Variants in VPS13B observed in about 807,000 individuals in gnomAD.
VPS13B encodes the protein vacuolar protein sorting 13 homolog B.
A neutral mutation model predicts 426.4 loss-of-function variants in VPS13B; 285 were observed. The ratio of observed to expected loss-of-function variants is 0.67; its 90% confidence interval spans 0.61 to 0.74. The LOEUF is 0.74. VPS13B is among the 30% of genes least tolerant of loss of function. VPS13B has a pLI of 0.00. For synonymous variants in VPS13B, 1,676 were observed against 1,676.4 expected, an observed-to-expected ratio of 1.00 and a Z score of 0.01; for missense variants, 4,537 against 4,782.6, an observed-to-expected ratio of 0.95 and a Z score of 1.51.
intron 39 of VPS13B, among the ~76,000 whole-genome samples, chr8:99,722,209 G>C (rs1180038504): frequency 3.3e-5 from 5 of 152,160 alleles, no homozygotes; most frequent in Admixed American, 2.0e-4. Flanking sequence ...TCAGGTACCA[G>C]CTCAAATGTC....
intron 25 of VPS13B, among the ~76,000 whole-genome samples, chr8:99,486,457 C>G (rs180837778): frequency 9.2e-5 from 14 of 152,242 alleles, no homozygotes; most frequent in South Asian, 2.1e-4. Flanking sequence ...AACTCCTGAC[C>G]TCAGGTGTTC....
At chr8:99,843,615 C>T (rs6981691) in intron 54 of VPS13B, among the ~76,000 whole-genome samples, 5,406 of 152,258 alleles carry the variant, frequency 0.036, 305 homozygotes, top group African/African-American at 0.12. Context: ...GAGAGACATA[C>T]GGCAGTCTCT....
intron 5 of VPS13B, among the ~76,000 whole-genome samples, chr8:99,106,868 A>T (rs1224000419): frequency 6.6e-6 from 1 of 152,190 alleles, no homozygotes; most frequent in Non-Finnish European, 1.5e-5. Flanking sequence ...TATATGTGGG[A>T]TGGCGAGTTT....
At chr8:99,302,736 T>G (rs1212933559) in intron 19 of VPS13B, among the ~76,000 whole-genome samples, 1 of 152,134 alleles carries the variant, frequency 6.6e-6, no homozygotes, top group Admixed American at 6.5e-5. Context: ...CTTGAACTCC[T>G]GACCTCAGGT....
At chr8:99,511,048 T>C (rs1821764393) in intron 28 of VPS13B, 56 bp from the exon 29 acceptor site, 1 of 1,595,070 alleles carries the variant, frequency 6.3e-7, no homozygotes, top group African/African-American at 1.3e-5. Flanking sequence ...CTTTCCAATT[T>C]TTAAAAAAAA....
In VPS13B at chr8:99,501,571, G is replaced by A. The variant is rs1434194380; in HGVS notation, c.3871-116G>A. On this transcript the variant is annotated intron_variant, in intron 25 of 61. Coordinates refer to ENST00000357162, the MANE Select transcript of VPS13B (RefSeq NM_152564.5). ...ATTAACATTTATATGATTATCATTTGCATGTAAGATGTGAAAAAGTTACAA... is the reference window on the plus strand; with the variant it reads ...ATTAACATTTATATGATTATCATTTACATGTAAGATGTGAAAAAGTTACAA... 1.0e-5 allele frequency: 10 copies of A among 975,866 alleles called. No individual in the cohort carries two copies. The East Asian group carries it at 2.6e-4, about 26-fold the overall frequency. The allele number at this position is 975,866 out of a possible 1,614,324, so 60.5% of individuals were successfully genotyped here.
chr8:99,559,387 C>T (rs935010804), intron 31 of VPS13B, among the ~76,000 whole-genome samples: 28 of 152,154 alleles, frequency 1.8e-4, no homozygotes, highest in Non-Finnish European at 4.1e-4. Flanking sequence ...GTTTCTTTTG[C>T]TGTGCAGAAG....
rs542230543 is a variant in VPS13B, at chr8:99,432,484, G to A, written c.3210+820G>A. Among the ~76,000 whole-genome samples the A allele has an allele frequency of 9.9e-5, 15 of 152,176 alleles. No homozygotes were observed. In the East Asian group the frequency reaches 2.5e-3, roughly 25 times the overall value. The stretch of plus-strand genomic sequence containing the variant: ...ATTGACATTACCATAACAGCAGGGT[G>A]CTAAAATCCAAAAAAGTGACAAGCA... On this transcript the variant is annotated intron_variant, in intron 22 of 61. Transcript: ENST00000357162.
intron 23 of VPS13B, among the ~76,000 whole-genome samples, chr8:99,447,357 C>T (rs1023803854): frequency 5.3e-5 from 8 of 152,094 alleles, no homozygotes; most frequent in Non-Finnish European, 1.0e-4. Flanking sequence ...TTTCTGGCAG[C>T]GTTTGTGAGA....
chr8:99,090,747 G>T (rs1846098004), intron 3 of VPS13B, among the ~76,000 whole-genome samples: 1 of 151,918 alleles, frequency 6.6e-6, no homozygotes, highest in African/African-American at 2.4e-5. Flanking sequence ...TTATATACAA[G>T]AAAACAAAGT....
At chr8:99,845,265 C>T (rs1815924239) in intron 54 of VPS13B, among the ~76,000 whole-genome samples, 3 of 152,032 alleles carry the variant, frequency 2.0e-5, no homozygotes, top group East Asian at 3.8e-4. Context: ...AGTGTGTGTC[C>T]TCAGGGGGTT....
intron 24 of VPS13B, 137 bp from the exon 25 acceptor site, chr8:99,481,462 A>T (rs1295495631): frequency 8.6e-6 from 8 of 927,426 alleles, no homozygotes; most frequent in Non-Finnish European, 1.4e-5. Flanking sequence ...AGTTAAAGTG[A>T]TCAGTGATGC....
chr8:99,496,081 C>T (rs983886390), intron 25 of VPS13B, among the ~76,000 whole-genome samples: 6 of 152,072 alleles, frequency 3.9e-5, no homozygotes, highest in Non-Finnish European at 8.8e-5. Context: ...GTTGGATTAC[C>T]GTTACTCACA....
chr8:99,030,613 G>A (rs1400710651), intron 2 of VPS13B, among the ~76,000 whole-genome samples: 2 of 151,972 alleles, frequency 1.3e-5, no homozygotes, highest in African/African-American at 4.8e-5. Context: ...GAATGATCAC[G>A]TTACTATAAA....
At chr8:99,574,454 T>C (rs1337727846) in intron 31 of VPS13B, among the ~76,000 whole-genome samples, 2 of 152,200 alleles carry the variant, frequency 1.3e-5, no homozygotes, top group Admixed American at 6.5e-5. Flanking sequence ...AAATAGCCCT[T>C]ATTATTTTGA....
At chr8:99,607,288 G>C (rs1029709449) in intron 33 of VPS13B, among the ~76,000 whole-genome samples, 1 of 152,092 alleles carries the variant, frequency 6.6e-6, no homozygotes, top group Non-Finnish European at 1.5e-5. Context: ...TCATTTCATT[G>C]GTCTAGAGAG....
chr8:99,369,504 G>A (rs547563947), intron 19 of VPS13B, among the ~76,000 whole-genome samples: 119 of 152,302 alleles, frequency 7.8e-4, no homozygotes, highest in South Asian at 3.7e-3. Flanking sequence ...AGGTTGTCCT[G>A]TGTAGAACTG....
Position 99,875,624 on chromosome 8 carries a change from TACCA to T in VPS13B, c.11953_11956del (p.Thr3985TrpfsTer2), listed in dbSNP as rs1327712547. 2.5e-6 allele frequency: 4 copies of T among 1,614,090 alleles called. No individual in the cohort carries two copies. The highest frequency in any genetic ancestry group is 3.4e-6 in the Non-Finnish European group (4 of 1,180,046). On this transcript the variant is annotated frameshift_variant, in exon 62 of 62. Transcript: ENST00000357162. LOFTEE classifies it high-confidence loss of function. ...TTGCTCAGGTCTTCCTTAGTAAATT[TACCA>T]TGGTGAAAAATAAAGCCCTGAGGAA...
intron 39 of VPS13B, among the ~76,000 whole-genome samples, chr8:99,756,945 C>T (rs1037693337): frequency 2.0e-5 from 3 of 152,140 alleles, no homozygotes; most frequent in Admixed American, 6.5e-5. Context: ...GAGCAGGTTA[C>T]TTAACTTCAC....
Sources: gnomAD v4.1 joint callset for allele counts (sites outside exome capture counted in the v4.1 genomes callset) on GRCh38, gnomAD v4.1.1 for gene constraint, MANE v1.5 for transcripts, NCBI Gene and HGNC (gene_info 2026-07-23, HGNC 2026-07-21) for gene names.